The following TAS2R1 variants were observed in gnomAD, a reference collection of about 807,000 sequenced individuals.
TAS2R1 encodes the protein taste 2 receptor member 1, also known as taste receptor type 2 member 1.
For synonymous variants in TAS2R1, 141 were observed against 134.2 expected (o/e 1.05, Z -0.35); for missense variants, 370 against 353.4 (o/e 1.05, Z -0.38).
the TAS2R1 span, among the ~76,000 whole-genome samples, chr5:9,803,665 T>C: frequency 6.6e-6 from 1 of 152,170 alleles, no homozygotes; most frequent in South Asian, 2.1e-4. Context: ...GAAGGAAAGA[T>C]ACAGTCTTTT....
At chr5:9,795,447 T>C in the TAS2R1 span, among the ~76,000 whole-genome samples, 1 of 152,122 alleles carries the variant, frequency 6.6e-6, no homozygotes, top group Admixed American at 6.6e-5. Context: ...AGGGTTTCCC[T>C]ATTCTCAGCT....
chr5:9,802,202 C>T, the TAS2R1 span, among the ~76,000 whole-genome samples: 1 of 152,200 alleles, frequency 6.6e-6, no homozygotes, highest in African/African-American at 2.4e-5. Context: ...TTCATGGGAG[C>T]AGGTTCTGGT....
At chr5:9,898,226 A>G in the TAS2R1 span, among the ~76,000 whole-genome samples, 805 of 152,328 alleles carry the variant, frequency 5.3e-3, 7 homozygotes, top group African/African-American at 0.018. Flanking sequence ...TCCTCCTATT[A>G]TCAGTGGGGA....
the TAS2R1 span, among the ~76,000 whole-genome samples, chr5:9,859,576 T>C: frequency 3.9e-5 from 6 of 152,224 alleles, no homozygotes; most frequent in Admixed American, 3.9e-4. Context: ...TGTTGTAATC[T>C]AACTGTCTGG....
upstream of TAS2R1, among the ~76,000 whole-genome samples, chr5:9,631,681 A>T (rs1399054298): frequency 6.6e-6 from 1 of 152,252 alleles, no homozygotes; most frequent in Non-Finnish European, 1.5e-5. Context: ...ATATGTCTTA[A>T]TGAACGTGTG....
chr5:9,741,422 T>C, the TAS2R1 span, among the ~76,000 whole-genome samples: 1 of 152,220 alleles, frequency 6.6e-6, no homozygotes, highest in Non-Finnish European at 1.5e-5. Context: ...CACCCACGGA[T>C]GCTGACTGCT....
the TAS2R1 span, among the ~76,000 whole-genome samples, chr5:9,814,790 G>A: frequency 6.6e-6 from 1 of 152,108 alleles, no homozygotes; most frequent in Non-Finnish European, 1.5e-5. Context: ...ATGACTTTGG[G>A]GAGAAAAATA....
the TAS2R1 span, among the ~76,000 whole-genome samples, chr5:9,782,782 GA>G: frequency 8.3e-4 from 124 of 150,198 alleles, 1 homozygote; most frequent in East Asian, 8.5e-3. Flanking sequence ...TTGTCCAGTG[GA>G]AAAAAAAAAT....
At chr5:9,635,463 A>G (rs115201441) in intron 2 of TAS2R1, among the ~76,000 whole-genome samples, 3,504 of 152,190 alleles carry the variant, frequency 0.023, 142 homozygotes, top group African/African-American at 0.08. Flanking sequence ...GGCTTCACAG[A>G]ATGACATAAG....
the TAS2R1 span, among the ~76,000 whole-genome samples, chr5:9,719,914 G>A: frequency 3.1e-4 from 27 of 88,440 alleles, no homozygotes; most frequent in Non-Finnish European, 4.9e-4. Flanking sequence ...CGAAGATTCC[G>A]ATTCAAAAAA....
the TAS2R1 span, among the ~76,000 whole-genome samples, chr5:9,862,677 A>C: frequency 6.6e-6 from 1 of 152,026 alleles, no homozygotes; most frequent in Non-Finnish European, 1.5e-5. Context: ...ATCTCAGCTC[A>C]CTACAACCTC....
chr5:9,751,433 G>A, the TAS2R1 span, among the ~76,000 whole-genome samples: 10 of 152,040 alleles, frequency 6.6e-5, no homozygotes, highest in Admixed American at 3.3e-4. Context: ...AACTTTCCCA[G>A]TATAGAGACA....
the TAS2R1 span, among the ~76,000 whole-genome samples, chr5:9,731,309 G>C: frequency 0.47 from 71,780 of 151,856 alleles, 19,522 homozygotes; most frequent in African/African-American, 0.76. Flanking sequence ...CCCTCCCACC[G>C]GCATCTGTCC....
At position 9,629,005 on chromosome 5, in the gene TAS2R1, G is replaced by T. The variant is rs1192047579; in HGVS notation, c.*128C>A. 1 of 969,844 alleles carries T rather than the reference G, an allele frequency of 1.0e-6. No individual in the cohort carries two copies. Among genetic ancestry groups the T allele is most frequent in the Non-Finnish European group, 1.5e-6 (1 of 688,790 alleles). 60.1% of individuals were successfully genotyped at this position (969,844 alleles called of 1,614,324 possible). ...CATATCCACAGAAATACCTCAGGCT[G>T]GATAAACAGGCCTGAAGGGGACATG... On this transcript the variant is annotated 3_prime_UTR_variant, in exon 1 of 1. Coordinates refer to ENST00000382492, the MANE Select transcript of TAS2R1 (RefSeq NM_019599.3).
the TAS2R1 span, among the ~76,000 whole-genome samples, chr5:9,800,088 C>T: frequency 3.3e-5 from 5 of 152,166 alleles, no homozygotes; most frequent in Admixed American, 6.5e-5. Context: ...TTTGGCCTAC[C>T]TCCTATAACT....
chr5:9,639,778 A>C (rs1317376446), intron 2 of TAS2R1, among the ~76,000 whole-genome samples: 3 of 152,192 alleles, frequency 2.0e-5, no homozygotes, highest in Non-Finnish European at 4.4e-5. Context: ...TGCTAACTTC[A>C]AACTTTTCTT....
intron 2 of TAS2R1, among the ~76,000 whole-genome samples, chr5:9,652,886 C>T (rs905606937): frequency 6.6e-6 from 1 of 152,102 alleles, no homozygotes. Flanking sequence ...GTAAAATACA[C>T]ATATCATAAA....
the TAS2R1 span, among the ~76,000 whole-genome samples, chr5:9,723,052 G>C: frequency 2.4e-4 from 36 of 152,374 alleles, no homozygotes; most frequent in African/African-American, 8.2e-4. Context: ...AAGCAGGATG[G>C]AGATGGAGAG....
the TAS2R1 span, among the ~76,000 whole-genome samples, chr5:9,862,357 A>C: frequency 1.3e-5 from 2 of 152,148 alleles, no homozygotes; most frequent in African/African-American, 4.8e-5. Flanking sequence ...TGAAGCAGAG[A>C]GCTAGTACCT....
Sources: allele counts gnomAD v4.1 joint callset (sites outside exome capture counted in the v4.1 genomes callset), GRCh38; gene constraint gnomAD v4.1.1; transcripts MANE v1.5; gene names NCBI Gene and HGNC (gene_info 2026-07-23, HGNC 2026-07-21).